The following PPM1B variants were observed in gnomAD, a reference collection of about 807,000 sequenced individuals.
The protein encoded by PPM1B is protein phosphatase, Mg2+/Mn2+ dependent 1B, also known as protein phosphatase 1B.
A neutral mutation model predicts 43.0 loss-of-function variants in PPM1B; 22 were observed. The ratio of observed to expected loss-of-function variants is 0.51; its 90% CI spans 0.37 to 0.73. The LOEUF is 0.73. PPM1B is among the 30% of genes least tolerant of loss of function. The pLI is 0.00. For synonymous variants in PPM1B, 217 were observed against 197.9 expected (o/e 1.10, Z -0.81); for missense variants, 632 against 584.2 (o/e 1.08, Z -0.84).
At chr2:44,199,671 A>G (rs540425770) in intron 1 of PPM1B, among the ~76,000 whole-genome samples, 364 of 152,338 alleles carry the variant, frequency 2.4e-3, no homozygotes, top group Non-Finnish European at 4.4e-3. Flanking sequence ...GTAATCAAGC[A>G]TATTCTGTTA....
intron 5 of PPM1B, among the ~76,000 whole-genome samples, chr2:44,228,961 T>C (rs929774668): frequency 1.3e-5 from 2 of 152,120 alleles, no homozygotes; most frequent in Non-Finnish European, 2.9e-5. Flanking sequence ...TGCAGGCAGA[T>C]CACCTGAGGT....
chr2:44,201,466 A>C lies in PPM1B; in HGVS notation c.267A>C (p.Gly89=). The part of the protein sequence containing the change: ...ITTNEDFRAA[G]KSGSALELSV... Reference sequence around the variant, plus strand: ...CTAACGAAGACTTTAGGGCAGCTGGAAAATCAGGATCTGCTCTTGAGCTTT... The same window carrying C: ...CTAACGAAGACTTTAGGGCAGCTGGCAAATCAGGATCTGCTCTTGAGCTTT... Residue 89 remains glycine (G), a synonymous_variant, in exon 2 of 6, where the codon GGA becomes GGC. Transcript: ENST00000282412. The surrounding 1 kb of genome is among the most constrained non-coding windows in gnomAD (Gnocchi z 5.4). The C allele has an allele frequency of 6.2e-7, 1 of 1,614,218 alleles. No individual in the cohort carries two copies. The highest frequency in any genetic ancestry group is 1.1e-5 in the South Asian group (1 of 91,090).
intron 5 of PPM1B, chr2:44,219,223 A>G (rs1383467235): frequency 1.3e-5 from 2 of 150,278 alleles, no homozygotes; most frequent in East Asian, 3.9e-4. Flanking sequence ...AATCCAAGTT[A>G]GTTCAAATAA....
At chr2:44,173,122 G>A (rs1337520924) in intron 1 of PPM1B, among the ~76,000 whole-genome samples, 1 of 152,188 alleles carries the variant, frequency 6.6e-6, no homozygotes, top group Non-Finnish European at 1.5e-5. Flanking sequence ...CCTGGCCAAC[G>A]TGGTAAAACC....
At chr2:44,195,245 T>C (rs777890490) in intron 1 of PPM1B, among the ~76,000 whole-genome samples, 39 of 149,224 alleles carry the variant, frequency 2.6e-4, no homozygotes, top group Non-Finnish European at 5.9e-5. Flanking sequence ...ACTGTGTCGC[T>C]CAGGCTAGAG....
At chr2:44,216,540 G>A (rs919912179) in intron 3 of PPM1B, among the ~76,000 whole-genome samples, 1 of 152,182 alleles carries the variant, frequency 6.6e-6, no homozygotes, top group Non-Finnish European at 1.5e-5. Context: ...TACATGTCAT[G>A]CATATGGGAG....
At chr2:44,188,788 T>TCCC (rs1668257289) in intron 1 of PPM1B, among the ~76,000 whole-genome samples, 1 of 140,284 alleles carries the variant, frequency 7.1e-6, no homozygotes, top group Non-Finnish European at 1.6e-5. Context: ...CCTTCCCTCC[T>TCCC]TCCCTCCCCT....
intron 2 of PPM1B, among the ~76,000 whole-genome samples, chr2:44,205,354 G>GT (rs1669134502): frequency 8.7e-5 from 8 of 91,720 alleles, no homozygotes; most frequent in African/African-American, 2.7e-4. Context: ...TGTGGGTGTG[G>GT]GTGTGTGTGT....
chr2:44,244,158 A>G (rs1189571028), intron 5 of PPM1B: 1 of 812,668 alleles, frequency 1.2e-6, no homozygotes, highest in Non-Finnish European at 1.6e-6. Flanking sequence ...TTTACTTACC[A>G]ACCCCAATCC....
chr2:44,221,902 A>C (rs1343273629), intron 5 of PPM1B, among the ~76,000 whole-genome samples: 1 of 152,124 alleles, frequency 6.6e-6, no homozygotes, highest in African/African-American at 2.4e-5. Context: ...TTTGTTTTTT[A>C]GTATGTGTTC....
At chr2:44,178,972 A>G (rs1667727155) in intron 1 of PPM1B, among the ~76,000 whole-genome samples, 1 of 152,358 alleles carries the variant, frequency 6.6e-6, no homozygotes. Context: ...AAAATATTAA[A>G]TGGTGTGATT....
chr2:44,176,574 G>T (rs112063925), intron 1 of PPM1B, among the ~76,000 whole-genome samples: 1 of 152,196 alleles, frequency 6.6e-6, no homozygotes, highest in Non-Finnish European at 1.5e-5. Context: ...GCACTTAGAT[G>T]TGTGAAGCAG....
rs199762216 is a variant in PPM1B at position 44,218,070 on chromosome 2, T to G, written c.1068T>G (p.Leu356=). Residue 356 remains leucine (L), a synonymous_variant, in exon 4 of 6, where the codon CTT becomes CTG. Transcript: ENST00000282412. ...CAAATTTGCCTCCTGGGGGAGGTCT[T>G]GCTGGCAAGTAAGTAGAACAAAAAG... ...NIPNLPPGGG[L]AGKRNVIEAV... is the part of the protein sequence containing the mutation. 6.2e-7 allele frequency: 1 copy of G among 1,609,100 alleles called. No individual in the cohort carries two copies. The highest frequency in any genetic ancestry group is 8.5e-7 in the Non-Finnish European group (1 of 1,176,298).
downstream of PPM1B, chr2:44,244,480 C>A: frequency 1.1e-6 from 1 of 904,514 alleles, no homozygotes; most frequent in Non-Finnish European, 1.4e-6. Context: ...TTTTTCCTGT[C>A]CATGTGATAA....
In PPM1B at chr2:44,230,902, T is replaced by A; in HGVS notation, c.*184T>A. 7.6e-7 allele frequency: 1 copy of A among 1,307,372 alleles called. No homozygotes were observed. The highest frequency in any genetic ancestry group is 9.9e-7 in the Non-Finnish European group (1 of 1,011,872). The allele number at this position is 1,307,372 out of a possible 1,614,324, so 81.0% of individuals were successfully genotyped here. A position where few individuals can be genotyped will look rare whatever the true frequency, so the allele number is the denominator to read the frequency against. ...TTATGAGATAGTGTAAAATTGACTA[T>A]TTATAGTACTATGGATTTAATGAAA... is the stretch of plus-strand genomic sequence containing the variant. On this transcript the variant is annotated 3_prime_UTR_variant, in exon 6 of 6. Transcript: ENST00000282412.
At chr2:44,242,221 A>G (rs1185329851) in intron 5 of PPM1B, among the ~76,000 whole-genome samples, 1 of 152,134 alleles carries the variant, frequency 6.6e-6, no homozygotes, top group Non-Finnish European at 1.5e-5. Context: ...ATTTTTTCTT[A>G]ACATATAAAA....
At chr2:44,191,191 G>A (rs7601624) in intron 1 of PPM1B, among the ~76,000 whole-genome samples, 30,099 of 152,030 alleles carry the variant, frequency 0.2, 3,239 homozygotes, top group African/African-American at 0.28. Flanking sequence ...AAACTAATCT[G>A]TTGCTTTGTA....
At chr2:44,214,462 GT>G (rs1669629343) in intron 3 of PPM1B, among the ~76,000 whole-genome samples, 1 of 151,514 alleles carries the variant, frequency 6.6e-6, no homozygotes, top group Non-Finnish European at 1.5e-5. Context: ...TTTTTCGGGG[GT>G]GGGGGGGGCA....
intron 1 of PPM1B, among the ~76,000 whole-genome samples, chr2:44,191,133 A>C (rs912922102): frequency 2.2e-4 from 33 of 152,348 alleles, no homozygotes; most frequent in African/African-American, 7.7e-4. Flanking sequence ...TAGTGTTTAT[A>C]CAACTCAAGC....
Sources: gnomAD v4.1 joint callset for allele counts (sites outside exome capture counted in the v4.1 genomes callset) on GRCh38, gnomAD v4.1.1 for gene constraint, Gnocchi (gnomAD v3.1) non-coding constraint, MANE v1.5 for transcripts, NCBI Gene and HGNC (gene_info 2026-07-23, HGNC 2026-07-21) for gene names.